Variants in CCNB3 observed in about 807,000 individuals in gnomAD.
CCNB3 encodes cyclin B3.
A neutral mutation model predicts 68.0 loss-of-function variants in CCNB3; 12 were observed. That is an observed-to-expected ratio of 0.18 (90% confidence interval 0.11 to 0.29). The LOEUF (loss-of-function observed/expected upper bound fraction) is 0.29, where lower values mean the gene tolerates loss of function less well. Among genes scored for constraint, CCNB3 ranks in the 10% least tolerant of loss-of-function variants. The pLI, the probability that CCNB3 is intolerant of heterozygous loss-of-function variation, is 1.00. For synonymous variants in CCNB3, 354 were observed against 388.9 expected, an observed-to-expected ratio of 0.91 and a Z score of 1.06; for missense variants, 904 against 993.1, an observed-to-expected ratio of 0.91 and a Z score of 1.21.
chrX:50,303,619 T>G (rs1936699874), intron 5 of CCNB3, among the ~76,000 whole-genome samples: 3 of 111,265 alleles, frequency 2.7e-5, no homozygotes, highest in Admixed American at 9.6e-5. Context: ...GCCCATTTTT[T>G]TATGCTTTTA....
intron 1 of CCNB3, among the ~76,000 whole-genome samples, chrX:50,279,624 C>T (rs1179368991): frequency 1.4e-5 from 1 of 72,496 alleles, no homozygotes; most frequent in Non-Finnish European, 2.8e-5. Flanking sequence ...GTACATTCAT[C>T]TATGTAAATA....
intron 1 of CCNB3, among the ~76,000 whole-genome samples, chrX:50,226,894 A>G (rs1935846967): frequency 1.3e-5 from 1 of 74,486 alleles, no homozygotes; most frequent in Non-Finnish European, 2.3e-5. Context: ...AATATATAGT[A>G]TATATATAGA....
At chrX:50,220,627 T>C (rs889717056) in intron 1 of CCNB3, among the ~76,000 whole-genome samples, 1 of 111,944 alleles carries the variant, frequency 8.9e-6, no homozygotes, top group Admixed American at 9.5e-5. Flanking sequence ...TGAAGCCAAC[T>C]TGATCGTGGT....
At position 50,310,997 on chromosome X, in the gene CCNB3, T is replaced by C. The variant is rs868975921; in HGVS notation, c.2828T>C (p.Leu943Ser). 8.3e-7 allele frequency: 1 copy of C among 1,210,834 alleles called. No individual in the cohort carries two copies. Among genetic ancestry groups the C allele is most frequent in the East Asian group, 3.0e-5 (1 of 33,790 alleles). Residue 943 changes from leucine (L) to serine (S), a missense_variant, in exon 6 of 13, where the codon TTG becomes TCG. Around this residue, in one of 2 missense-constraint regions of CCNB3, gnomAD observed 285 missense variants for 383.4 expected, o/e 0.74. Transcript: ENST00000376042. ...GAGAAACCCACCACTGGGAAGGAGT[T>C]GTCCTTCAAGGAGCCATTAGCCTTA... ...LNEKPTTGKE[L>S]SFKEPLALQE...
chrX:50,225,391 C>T (rs980250290), intron 1 of CCNB3, among the ~76,000 whole-genome samples: 38 of 111,283 alleles, frequency 3.4e-4, no homozygotes, highest in African/African-American at 1.2e-3. Flanking sequence ...AGGTTCATGA[C>T]GTAGGCAGGA....
At chrX:50,226,212 T>TTATATATATAGAATATATATAAA (rs1935772533) in intron 1 of CCNB3, among the ~76,000 whole-genome samples, 1 of 61,430 alleles carries the variant, frequency 1.6e-5, no homozygotes, top group Non-Finnish European at 2.6e-5. Context: ...ATATATATAT[T>TTATATATATAGAATATATATAAA]TATATATATA....
chrX:50,288,568 G>A (rs782210604), intron 3 of CCNB3, among the ~76,000 whole-genome samples: 153 of 110,973 alleles, frequency 1.4e-3, no homozygotes, highest in African/African-American at 4.3e-3. Flanking sequence ...CCTTGTAGAC[G>A]TACCCCATTA....
intron 1 of CCNB3, among the ~76,000 whole-genome samples, chrX:50,222,087 ACCCCT>A (rs2146987407): frequency 9.3e-6 from 1 of 107,805 alleles, no homozygotes; most frequent in South Asian, 4.0e-4. Context: ...TAGGTTTGCA[ACCCCT>A]GCTTTTTTTG....
chrX:50,218,438 C>A (rs1452384195), intron 1 of CCNB3, among the ~76,000 whole-genome samples: 1 of 111,056 alleles, frequency 9.0e-6, no homozygotes, highest in Non-Finnish European at 1.9e-5. Context: ...CCTAGGCCCC[C>A]ACCCCCTGAC....
At chrX:50,213,953 A>G (rs1935522641) in intron 1 of CCNB3, among the ~76,000 whole-genome samples, 2 of 111,950 alleles carry the variant, frequency 1.8e-5, no homozygotes, top group Admixed American at 9.5e-5. Context: ...ACTTGTTCAT[A>G]TATAAACACT....
At chrX:50,315,319 A>G (rs1444953730) in intron 8 of CCNB3, among the ~76,000 whole-genome samples, 1 of 112,150 alleles carries the variant, frequency 8.9e-6, no homozygotes, top group Admixed American at 9.5e-5. Context: ...TGTTTTTATA[A>G]CCTTAGTTAT....
At chrX:50,217,359 C>T (rs1033538559) in intron 1 of CCNB3, among the ~76,000 whole-genome samples, 1 of 104,213 alleles carries the variant, frequency 9.6e-6, no homozygotes, top group Admixed American at 1.0e-4. Context: ...CTGCAACCTC[C>T]GCCTCCCAGT....
At chrX:50,322,835 C>A (rs1471818135) in intron 8 of CCNB3, among the ~76,000 whole-genome samples, 6 of 111,103 alleles carry the variant, frequency 5.4e-5, no homozygotes, top group Admixed American at 4.7e-4. Context: ...TCATCACTGG[C>A]CATCAGAGAA....
intron 8 of CCNB3, among the ~76,000 whole-genome samples, chrX:50,315,320 C>A (rs1332676071): frequency 4.5e-5 from 5 of 111,669 alleles, no homozygotes; most frequent in African/African-American, 9.8e-5. Flanking sequence ...GTTTTTATAA[C>A]CTTAGTTATA....
At chrX:50,228,321 C>A (rs1333452275) in intron 1 of CCNB3, among the ~76,000 whole-genome samples, 1 of 79,392 alleles carries the variant, frequency 1.3e-5, no homozygotes, top group Admixed American at 1.7e-4. Flanking sequence ...TATATGAATA[C>A]ATATATAGAG....
chrX:50,282,251 T>C (rs1936151226), intron 1 of CCNB3, among the ~76,000 whole-genome samples: 1 of 111,376 alleles, frequency 9.0e-6, no homozygotes. Context: ...ACTTGCCCAG[T>C]GTCACCCAGC....
rs1408224294 is a variant in CCNB3 at position 50,210,481 on chromosome X, T to C, written c.-113+5531T>C. Among the ~76,000 whole-genome samples the C allele has an allele frequency of 2.7e-5, 3 of 112,449 alleles. No homozygotes were observed. The East Asian group carries it at 8.3e-4, about 31-fold the overall frequency. The stretch of plus-strand genomic sequence containing the variant: ...TTGCTTTGTGATTTTTGTATTGCTG[T>C]GGTTTTGGTGGATAGACCTTTTCCT... On this transcript the variant is annotated intron_variant, in intron 1 of 12. Coordinates refer to ENST00000376042, the MANE Select transcript of CCNB3 (RefSeq NM_033031.3).
chrX:50,226,223 G>GAATATATATATTTATATATATAT (rs1935774558), intron 1 of CCNB3, among the ~76,000 whole-genome samples: 1 of 59,854 alleles, frequency 1.7e-5, no homozygotes, highest in African/African-American at 7.8e-5. Context: ...TATATATATA[G>GAATATATATATTTATATATATAT]AATATATATA....
intron 7 of CCNB3, among the ~76,000 whole-genome samples, chrX:50,312,933 A>T (rs1244332643): frequency 9.0e-6 from 1 of 110,888 alleles, no homozygotes; most frequent in Non-Finnish European, 1.9e-5. Flanking sequence ...CTAAAGTCTG[A>T]TTGCCTTGAA....
Sources: allele counts gnomAD v4.1 joint callset (sites outside exome capture counted in the v4.1 genomes callset), GRCh38; gene constraint gnomAD v4.1.1; regional missense constraint gnomAD v4.1.1; transcripts MANE v1.5; gene names NCBI Gene and HGNC (gene_info 2026-07-23, HGNC 2026-07-21).